Variants in NEMP2 observed in about 807,000 individuals in gnomAD.
NEMP2 encodes the protein nuclear envelope integral membrane protein 2.
NEMP2 carries 53 observed loss-of-function variants against 54.2 expected under a neutral mutation model. The ratio of observed to expected loss-of-function variants is 0.98; its 90% CI spans 0.78 to 1.23. The LOEUF (loss-of-function observed/expected upper bound fraction) is 1.23, where lower values mean the gene tolerates loss of function less well. NEMP2 is among the 50% of genes most tolerant of loss of function. The pLI is 0.00. For missense variants in NEMP2, 455 were observed against 511.3 expected (o/e 0.89, Z 1.06); for synonymous variants, 197 against 190.3 (o/e 1.04, Z -0.29).
chr2:190,500,045 G>A, downstream of NEMP2: 1 of 1,614,148 alleles, frequency 6.2e-7, no homozygotes, highest in Non-Finnish European at 8.5e-7. The surrounding 1 kb of genome is among the most constrained non-coding windows in gnomAD (Gnocchi z 5.3). Flanking sequence ...AAATTCTCCT[G>A]CTGGTAGAGC....
upstream of NEMP2, chr2:190,534,845 C>T: frequency 2.5e-6 from 1 of 407,368 alleles, no homozygotes. Flanking sequence ...CCCGCGGCCT[C>T]GGGGCACGGC....
At chr2:190,448,032 C>G in the NEMP2 span, among the ~76,000 whole-genome samples, 1 of 152,208 alleles carries the variant, frequency 6.6e-6, no homozygotes, top group African/African-American at 2.4e-5. Flanking sequence ...TTTTCTTTCT[C>G]TTCCATCTTC....
At chr2:190,645,398 C>T in the NEMP2 span, among the ~76,000 whole-genome samples, 2 of 152,188 alleles carry the variant, frequency 1.3e-5, no homozygotes, top group East Asian at 1.9e-4. Context: ...ACTTTAGGAA[C>T]ATTCTAAAAT....
At chr2:190,645,196 A>G in the NEMP2 span, among the ~76,000 whole-genome samples, 2 of 152,200 alleles carry the variant, frequency 1.3e-5, no homozygotes, top group East Asian at 3.8e-4. Flanking sequence ...TATATAAGGA[A>G]TAAGCCTGGG....
At chr2:190,535,552 T>A (rs1052747553), upstream of NEMP2, among the ~76,000 whole-genome samples, 2 of 152,210 alleles carry the variant, frequency 1.3e-5, no homozygotes, top group Non-Finnish European at 2.9e-5. Flanking sequence ...ACTAGGACAG[T>A]CTTCTCTAAT....
the NEMP2 span, among the ~76,000 whole-genome samples, chr2:190,643,840 A>G: frequency 6.6e-6 from 1 of 152,122 alleles, no homozygotes; most frequent in Admixed American, 6.6e-5. Flanking sequence ...TGGGAAGATG[A>G]CTGGAGCCTG....
the NEMP2 span, among the ~76,000 whole-genome samples, chr2:190,616,126 A>C: frequency 6.6e-6 from 1 of 152,230 alleles, no homozygotes; most frequent in Non-Finnish European, 1.5e-5. The surrounding 1 kb of genome is among the most constrained non-coding windows in gnomAD (Gnocchi z 5.1). Flanking sequence ...CACCTGAGAC[A>C]ATGAGCAGCA....
chr2:190,579,069 G>A, the NEMP2 span, among the ~76,000 whole-genome samples: 1 of 151,966 alleles, frequency 6.6e-6, no homozygotes, highest in South Asian at 2.1e-4. Flanking sequence ...AGCATTGTTT[G>A]GCAGACAGTC....
chr2:190,537,707 A>G (rs531884051), upstream of NEMP2, among the ~76,000 whole-genome samples: 2 of 152,370 alleles, frequency 1.3e-5, no homozygotes, highest in South Asian at 4.1e-4. Context: ...GAAAATTTGC[A>G]GCCTGACGAT....
chr2:190,469,746 AT>A, the NEMP2 span: 49 of 1,364,498 alleles, frequency 3.6e-5, no homozygotes, highest in South Asian at 1.4e-4. The surrounding 1 kb of genome is among the most constrained non-coding windows in gnomAD (Gnocchi z 5.3). Context: ...TTTATTTTTT[AT>A]TTTTTTTTAG....
chr2:190,582,248 G>A, the NEMP2 span, among the ~76,000 whole-genome samples: 7 of 152,234 alleles, frequency 4.6e-5, no homozygotes, highest in South Asian at 1.2e-3. The surrounding 1 kb of genome is among the most constrained non-coding windows in gnomAD (Gnocchi z 4.6). Context: ...GGTTTACTGT[G>A]GTGTGAGCAA....
the NEMP2 span, among the ~76,000 whole-genome samples, chr2:190,449,628 A>G: frequency 6.6e-6 from 1 of 151,962 alleles, no homozygotes; most frequent in Non-Finnish European, 1.5e-5. Flanking sequence ...ATGTCCAACA[A>G]TGATAGACTG....
At chr2:190,526,985 A>C (rs1690962205) in intron 1 of NEMP2, among the ~76,000 whole-genome samples, 1 of 152,124 alleles carries the variant, frequency 6.6e-6, no homozygotes, top group South Asian at 2.1e-4. Flanking sequence ...AATGATGTTC[A>C]TTTTCTTCTG....
At chr2:190,473,118 G>A in the NEMP2 span, among the ~76,000 whole-genome samples, 16 of 152,202 alleles carry the variant, frequency 1.1e-4, no homozygotes, top group African/African-American at 3.1e-4. Flanking sequence ...ACCGGTACCA[G>A]CTACTGCAAA....
In NEMP2 at chr2:190,523,296, G is replaced by A. The variant is rs1690816253; in HGVS notation, c.213+1967C>T. ...CACTATAAATAAATATTGAACTCCTGTTACTAGGTTTGTTTTTTGTAATGG... is the reference window on the plus strand; with the variant it reads ...CACTATAAATAAATATTGAACTCCTATTACTAGGTTTGTTTTTTGTAATGG... On this transcript the variant is annotated intron_variant, in intron 2 of 8. Transcript: ENST00000409150. The surrounding 1 kb of genome is among the most constrained non-coding windows in gnomAD (Gnocchi z 5.3). Among the ~76,000 whole-genome samples, 1 of 152,072 alleles carries A rather than the reference G, an allele frequency of 6.6e-6. No homozygotes were observed. Among genetic ancestry groups the A allele is most frequent in the Non-Finnish European group, 1.5e-5 (1 of 68,030 alleles).
the NEMP2 span, among the ~76,000 whole-genome samples, chr2:190,430,092 T>G: frequency 6.6e-6 from 1 of 151,034 alleles, no homozygotes. Context: ...TGAGAACATG[T>G]GGTGTTTGGT....
At chr2:190,601,463 G>A in the NEMP2 span, among the ~76,000 whole-genome samples, 1 of 152,198 alleles carries the variant, frequency 6.6e-6, no homozygotes, top group Non-Finnish European at 1.5e-5. This position sits in a 1 kb window ranked among gnomAD's most constrained non-coding sequence, Gnocchi z 5.8. Flanking sequence ...GCCTACGTTG[G>A]TCTTGACTCA....
At chr2:190,475,362 CAAAGTCTCAGGATACA>C in the NEMP2 span, among the ~76,000 whole-genome samples, 2 of 152,196 alleles carry the variant, frequency 1.3e-5, no homozygotes, top group Non-Finnish European at 2.9e-5. Context: ...GCAACTTCAG[CAAAGTCTCAGGATACA>C]AAATCAATGT....
the NEMP2 span, chr2:190,477,402 A>G: frequency 1.1e-6 from 1 of 952,206 alleles, no homozygotes; most frequent in East Asian, 1.2e-4. Context: ...AAAAGAAATG[A>G]CTATATATTA....
Sources: allele counts gnomAD v4.1 joint callset (sites outside exome capture counted in the v4.1 genomes callset), GRCh38; gene constraint gnomAD v4.1.1; non-coding constraint Gnocchi (gnomAD v3.1); transcripts MANE v1.5; gene names NCBI Gene and HGNC (gene_info 2026-07-23, HGNC 2026-07-21).